Variants in PDE9A observed in about 807,000 individuals in gnomAD.
PDE9A encodes the protein high affinity cGMP-specific 3',5'-cyclic phosphodiesterase 9A.
In PDE9A, 60 loss-of-function variants were observed where a neutral mutation model predicts 87.4. That is an observed-to-expected ratio of 0.69 (90% confidence interval 0.56 to 0.85). The LOEUF (loss-of-function observed/expected upper bound fraction) is 0.85, where lower values mean the gene tolerates loss of function less well. PDE9A is among the 40% of genes least tolerant of loss of function. The pLI is 0.00. For synonymous variants in PDE9A, 272 were observed against 279.4 expected, an observed-to-expected ratio of 0.97 and a Z score of 0.27; for missense variants, 665 against 779.0, an observed-to-expected ratio of 0.85 and a Z score of 1.74.
At chr21:42,703,120 G>C (rs1020486456) in intron 4 of PDE9A, among the ~76,000 whole-genome samples, 12 of 152,248 alleles carry the variant, frequency 7.9e-5, no homozygotes. Flanking sequence ...TTCCTAAGTG[G>C]AAGCGGGATA....
rs2048683864 is a variant in PDE9A at position 42,704,753 on chromosome 21, TG to T, written c.262+5748del. On this transcript the variant is annotated intron_variant, in intron 4 of 19. Transcript: ENST00000291539. This position sits in a 1 kb window ranked among gnomAD's most constrained non-coding sequence, Gnocchi z 5.3. ...CTAGACTAGCACAAGGCTCAGGGGGTGGGGGGTGGGGGCAGGGTGCAGGGAG... is the reference window on the plus strand; with the variant it reads ...CTAGACTAGCACAAGGCTCAGGGGGTGGGGGTGGGGGCAGGGTGCAGGGAG... Among the ~76,000 whole-genome samples, 1 of 127,988 alleles carries T rather than the reference TG, an allele frequency of 7.8e-6. No homozygotes were observed. Among genetic ancestry groups the T allele is most frequent in the South Asian group, 3.1e-4 (1 of 3,262 alleles). 84.0% of individuals were successfully genotyped at this position (127,988 alleles called of 152,430 possible). A position where few individuals can be genotyped will look rare whatever the true frequency, so the allele number is the denominator to read the frequency against.
intron 14 of PDE9A, among the ~76,000 whole-genome samples, chr21:42,762,833 C>T (rs2055952429): frequency 6.6e-6 from 1 of 152,190 alleles, no homozygotes; most frequent in Non-Finnish European, 1.5e-5. Flanking sequence ...GCTGGGATTA[C>T]AGGCATGCGC....
At chr21:42,738,692 T>C (rs976154084) in intron 7 of PDE9A, among the ~76,000 whole-genome samples, 3 of 152,182 alleles carry the variant, frequency 2.0e-5, no homozygotes, top group Non-Finnish European at 4.4e-5. Context: ...TTTTTGTTGC[T>C]GTTTTGTTTT....
At chr21:42,762,989 G>A (rs527795387) in intron 14 of PDE9A, among the ~76,000 whole-genome samples, 54 of 152,272 alleles carry the variant, frequency 3.5e-4, no homozygotes, top group Admixed American at 1.6e-3. Context: ...CACCACGCCC[G>A]GCCACCCCTT....
chr21:42,758,799 C>T lies in PDE9A; in HGVS notation c.811-200C>T, dbSNP rs1321406231. On this transcript the variant is annotated intron_variant, in intron 10 of 19. Coordinates refer to ENST00000291539, the MANE Select transcript of PDE9A (RefSeq NM_002606.3). ...CTCAAACCCCCACCCATCTGAGTGG[C>T]CTGGAAAGGCTGGTCTGAAGACCTC... 7.3e-6 allele frequency: 4 copies of T among 544,968 alleles called. No homozygotes were observed. In the East Asian group the frequency reaches 1.2e-4, roughly 17 times the overall value. The allele number at this position is 544,968 out of a possible 1,614,324, so 33.8% of individuals were successfully genotyped here.
Position 42,716,715 on chromosome 21 carries a change from T to C in PDE9A, c.263-15055T>C, listed in dbSNP as rs1440567260. 1.3e-5 allele frequency among the ~76,000 whole-genome samples: 2 copies of C among 150,774 alleles called. 1 individual carries two copies. Among genetic ancestry groups the C allele is most frequent in the Non-Finnish European group, 3.0e-5 (2 of 67,632 alleles). ...GTCATATGTTTTATATCTGCATACA[T>C]TTTAAGCCCCATAATACAATATTAT... On this transcript the variant is annotated intron_variant, in intron 4 of 19. Transcript: ENST00000291539.
rs1456529906 is a variant in PDE9A, at chr21:42,692,369, G to A, written c.218+4375G>A. 1.3e-5 allele frequency among the ~76,000 whole-genome samples: 2 copies of A among 152,172 alleles called. No individual in the cohort carries two copies. Among genetic ancestry groups the A allele is most frequent in the Non-Finnish European group, 1.5e-5 (1 of 68,036 alleles). ...CGGGATGCCAATGGCATCCTACAGC[G>A]CACAGGACAGGCCCACAACAATGAC... On this transcript the variant is annotated intron_variant, in intron 3 of 19. Coordinates refer to ENST00000291539, the MANE Select transcript of PDE9A (RefSeq NM_002606.3). This position sits in a 1 kb window ranked among gnomAD's most constrained non-coding sequence, Gnocchi z 4.3.
At chr21:42,771,289 G>A (rs1226988349) in intron 18 of PDE9A, among the ~76,000 whole-genome samples, 1 of 152,216 alleles carries the variant, frequency 6.6e-6, no homozygotes, top group Non-Finnish European at 1.5e-5. Flanking sequence ...AGGGGCCAGG[G>A]AGCCTGGGGC....
intron 1 of PDE9A, among the ~76,000 whole-genome samples, chr21:42,679,339 C>T (rs997974016): frequency 6.6e-6 from 1 of 151,348 alleles, no homozygotes; most frequent in African/African-American, 2.4e-5. Flanking sequence ...CGTCTCCCCT[C>T]CCTCCCGCCC....
At chr21:42,743,664 A>G (rs2053543135) in intron 7 of PDE9A, 112 bp from the exon 8 acceptor site, 2 of 688,110 alleles carry the variant, frequency 2.9e-6, no homozygotes, top group Admixed American at 2.2e-5. Flanking sequence ...GGACCTCTGC[A>G]CTGAGGTATA....
intron 8 of PDE9A, among the ~76,000 whole-genome samples, chr21:42,745,214 C>T (rs773944774): frequency 7.9e-5 from 12 of 152,274 alleles, no homozygotes; most frequent in African/African-American, 1.7e-4. Flanking sequence ...CTCAAAGCCC[C>T]GGGGGCCTGG....
At chr21:42,757,347 A>G (rs1056728974) in intron 10 of PDE9A, 1 of 152,282 alleles carries the variant, frequency 6.6e-6, no homozygotes, top group East Asian at 1.9e-4. Flanking sequence ...GCCATGCCAG[A>G]GAACCCTCCG....
At position 42,697,894 on chromosome 21, in the gene PDE9A, G is replaced by A. The variant is rs750153489; in HGVS notation, c.219-1074G>A. Among the ~76,000 whole-genome samples the A allele has an allele frequency of 1.2e-3, 190 of 152,172 alleles. 1 individual carries two copies. Among genetic ancestry groups the A allele is most frequent in the Non-Finnish European group, 2.2e-3 (153 of 68,032 alleles). On this transcript the variant is annotated intron_variant, in intron 3 of 19. Coordinates refer to ENST00000291539, the MANE Select transcript of PDE9A (RefSeq NM_002606.3). ...CAACATTCAGACCCCAGCACCATGGGACCACTAATGTGGCATCCTGCCTGT... is the reference window on the plus strand; with the variant it reads ...CAACATTCAGACCCCAGCACCATGGAACCACTAATGTGGCATCCTGCCTGT...
chr21:42,653,999 G>A (rs1469754676), intron 1 of PDE9A, 116 bp downstream of exon 1: 10 of 467,412 alleles, frequency 2.1e-5, no homozygotes, highest in Non-Finnish European at 3.8e-5. Context: ...GCCTCCGTGC[G>A]CTCCGCCAGC....
chr21:42,663,648 G>A (rs1601890580), intron 1 of PDE9A, among the ~76,000 whole-genome samples: 1 of 152,272 alleles, frequency 6.6e-6, no homozygotes, highest in South Asian at 2.1e-4. Context: ...TCTTGGGGGC[G>A]GGGTGCCACC....
chr21:42,687,922 C>T lies in PDE9A; in HGVS notation c.146C>T (p.Thr49Met), dbSNP rs1460897521. ...FCIATGLPRN[T>M]TISLLTTDDA... ...GGCTTGGGTGTGTTTTCCAGGAACA[C>T]GACCATCTCCCTGCTGACCACCGAC... is the stretch of plus-strand genomic sequence containing the variant. The change falls in exon 3 of 20, where the codon ACG (threonine) becomes ATG (methionine). Residue 49 changes from threonine (T) to methionine (M), a missense_variant. Transcript: ENST00000291539. 6.2e-6 allele frequency: 10 copies of T among 1,612,856 alleles called. No homozygotes were observed. Among genetic ancestry groups the T allele is most frequent in the South Asian group, 2.2e-5 (2 of 91,066 alleles).
intron 9 of PDE9A, among the ~76,000 whole-genome samples, chr21:42,753,666 C>A (rs1465994450): frequency 6.6e-6 from 1 of 151,930 alleles, no homozygotes; most frequent in African/African-American, 2.4e-5. Flanking sequence ...AGTTCGAGAC[C>A]AGCCTGGCCA....
intron 4 of PDE9A, among the ~76,000 whole-genome samples, chr21:42,719,888 C>T (rs2050321759): frequency 6.6e-6 from 1 of 152,148 alleles, no homozygotes; most frequent in South Asian, 2.1e-4. Flanking sequence ...TCTTTACAAA[C>T]ATTCTGTCAT....
At chr21:42,743,634 G>C in intron 7 of PDE9A, 142 bp from the exon 8 acceptor site, 1 of 607,918 alleles carries the variant, frequency 1.6e-6, no homozygotes, top group Non-Finnish European at 3.0e-6. Flanking sequence ...CCTGAGTATC[G>C]GCAGCCAGGG....
Sources: gnomAD v4.1 joint callset for allele counts (sites outside exome capture counted in the v4.1 genomes callset) on GRCh38, gnomAD v4.1.1 for gene constraint, Gnocchi (gnomAD v3.1) non-coding constraint, MANE v1.5 for transcripts, NCBI Gene and HGNC (gene_info 2026-07-23, HGNC 2026-07-21) for gene names.